DYM: variants seen among roughly 807,000 people sequenced by gnomAD.
DYM encodes dymeclin.
Under a neutral mutation model 93.1 loss-of-function variants are expected in DYM, and 78 were observed. The observed-to-expected ratio is 0.84, with a 90% confidence interval of 0.70 to 1.01. The LOEUF (loss-of-function observed/expected upper bound fraction) is 1.01, where lower values mean the gene tolerates loss of function less well. Ranked by LOEUF, DYM falls within the 50% of genes least tolerant of loss-of-function variation. DYM has a pLI of 0.00. For synonymous variants in DYM, 321 were observed against 319.7 expected, an observed-to-expected ratio of 1.00 and a Z score of -0.04; for missense variants, 789 against 845.0, an observed-to-expected ratio of 0.93 and a Z score of 0.82.
At chr18:49,297,640 A>G (rs2060642076) in intron 8 of DYM, among the ~76,000 whole-genome samples, 1 of 152,350 alleles carries the variant, frequency 6.6e-6, no homozygotes, top group South Asian at 2.1e-4. Flanking sequence ...TAATGGGTAT[A>G]TATCATGCTT....
At chr18:49,080,881 G>A (rs111689594) in intron 17 of DYM, among the ~76,000 whole-genome samples, 12 of 150,802 alleles carry the variant, frequency 8.0e-5, no homozygotes, top group Non-Finnish European at 1.5e-4. Context: ...GCCGGGCAGA[G>A]GCGCTCCCCA....
At chr18:49,149,708 T>TG (rs1568499249) in intron 15 of DYM, among the ~76,000 whole-genome samples, 2 of 140,234 alleles carry the variant, frequency 1.4e-5, no homozygotes, top group Non-Finnish European at 3.1e-5. Context: ...AAGTGTTTTT[T>TG]TTTTTTTTTT....
At chr18:49,131,775 T>G (rs1019118791) in intron 15 of DYM, among the ~76,000 whole-genome samples, 17 of 152,192 alleles carry the variant, frequency 1.1e-4, no homozygotes, top group Non-Finnish European at 1.3e-4. Flanking sequence ...AAGGAGAATC[T>G]GAATCTATTT....
At chr18:49,455,894 A>G (rs1278646052) in intron 1 of DYM, among the ~76,000 whole-genome samples, 1 of 151,902 alleles carries the variant, frequency 6.6e-6, no homozygotes, top group East Asian at 1.9e-4. Context: ...GGTTGCAGTG[A>G]GCCGAGATCC....
intron 9 of DYM, 124 bp from the exon 10 acceptor site, chr18:49,282,299 T>C: frequency 9.8e-7 from 1 of 1,019,252 alleles, no homozygotes; most frequent in Non-Finnish European, 1.5e-6. Flanking sequence ...ACATTTCAGA[T>C]TCAAAATTTT....
At chr18:49,234,489 TTTTA>T (rs1183016315) in intron 13 of DYM, among the ~76,000 whole-genome samples, 1 of 152,048 alleles carries the variant, frequency 6.6e-6, no homozygotes, top group Non-Finnish European at 1.5e-5. Flanking sequence ...TCACTTCACT[TTTTA>T]TTGTTTGCCT....
rs1006307743 is a variant in DYM at position 49,116,977 on chromosome 18, T to C, written c.1911+1767A>G. ...GGACATGTGGCCAGAGATGAAATAATCGAGAAGTTGCTAAGGATGCTCTCA... is the reference window on the plus strand; with the variant it reads ...GGACATGTGGCCAGAGATGAAATAACCGAGAAGTTGCTAAGGATGCTCTCA... On this transcript the variant is annotated intron_variant, in intron 16 of 17. Coordinates refer to ENST00000675505, the MANE Select transcript of DYM (RefSeq NM_001353214.3). Among the ~76,000 whole-genome samples, 6 of 152,212 alleles carry C rather than the reference T, an allele frequency of 3.9e-5. No homozygotes were observed. The South Asian group carries it at 1.2e-3, about 32-fold the overall frequency.
At chr18:49,388,307 A>C (rs1161443454) in intron 3 of DYM, among the ~76,000 whole-genome samples, 1 of 152,154 alleles carries the variant, frequency 6.6e-6, no homozygotes, top group African/African-American at 2.4e-5. Flanking sequence ...TCTAGCTGGG[A>C]AACAGAGTGA....
At chr18:49,241,574 T>C (rs1200405761) in intron 13 of DYM, among the ~76,000 whole-genome samples, 1 of 152,230 alleles carries the variant, frequency 6.6e-6, no homozygotes, top group African/African-American at 2.4e-5. Flanking sequence ...TTTTGGAAGA[T>C]GGTGGTAACC....
intron 6 of DYM, among the ~76,000 whole-genome samples, chr18:49,336,313 GTTC>G (rs997111594): frequency 3.9e-5 from 6 of 152,156 alleles, no homozygotes; most frequent in Non-Finnish European, 8.8e-5. Flanking sequence ...AGAAAAAAGT[GTTC>G]TTCTCCTTCA....
chr18:49,231,039 G>A (rs1178411496), intron 13 of DYM, among the ~76,000 whole-genome samples: 1 of 152,102 alleles, frequency 6.6e-6, no homozygotes. Flanking sequence ...TTTTTCTAAT[G>A]CACAATATTC....
chr18:49,289,458 A>T (rs2059896155), intron 8 of DYM, among the ~76,000 whole-genome samples: 1 of 148,350 alleles, frequency 6.7e-6, no homozygotes, highest in Admixed American at 6.7e-5. Flanking sequence ...AATGGGCAAT[A>T]AAGGAGGCTG....
intron 8 of DYM, among the ~76,000 whole-genome samples, chr18:49,289,725 GTGTA>G (rs1446682390): frequency 2.9e-4 from 4 of 13,740 alleles, no homozygotes; most frequent in African/African-American, 6.4e-4. Context: ...ATATATATAT[GTGTA>G]TATATATATA....
intron 14 of DYM, among the ~76,000 whole-genome samples, chr18:49,194,363 A>G (rs1336293930): frequency 2.0e-5 from 3 of 152,146 alleles, no homozygotes; most frequent in African/African-American, 4.8e-5. Context: ...CTCGACATCA[A>G]CTGAGACTAG....
chr18:49,427,816 C>T (rs185481710), intron 2 of DYM, among the ~76,000 whole-genome samples: 671 of 152,308 alleles, frequency 4.4e-3, no homozygotes, highest in Non-Finnish European at 7.0e-3. Flanking sequence ...GGTCCAGTGG[C>T]TCATGCTTAT....
intron 14 of DYM, among the ~76,000 whole-genome samples, chr18:49,178,107 T>C (rs1273967115): frequency 1.3e-5 from 2 of 152,118 alleles, no homozygotes. Flanking sequence ...TCAATGCCTA[T>C]AGGAAAGCCA....
At chr18:49,179,494 A>G (rs1308130531) in intron 14 of DYM, among the ~76,000 whole-genome samples, 2 of 152,128 alleles carry the variant, frequency 1.3e-5, no homozygotes, top group Non-Finnish European at 2.9e-5. Context: ...TTGACTTGGA[A>G]TATATAGTTA....
intron 13 of DYM, among the ~76,000 whole-genome samples, chr18:49,253,875 C>T (rs1403050738): frequency 6.6e-6 from 1 of 152,132 alleles, no homozygotes. Flanking sequence ...TCTCTCCATT[C>T]CTTTCGATTA....
At chr18:49,234,002 G>A (rs915558685) in intron 13 of DYM, among the ~76,000 whole-genome samples, 11 of 152,020 alleles carry the variant, frequency 7.2e-5, no homozygotes, top group African/African-American at 2.2e-4. Flanking sequence ...GGTAGCGGGC[G>A]CCTGTAGTCC....
Sources: gnomAD v4.1 joint callset for allele counts (sites outside exome capture counted in the v4.1 genomes callset) on GRCh38, gnomAD v4.1.1 for gene constraint, MANE v1.5 for transcripts, NCBI Gene and HGNC (gene_info 2026-07-23, HGNC 2026-07-21) for gene names.